Variants in AOPEP observed in about 807,000 individuals in gnomAD.
The protein encoded by AOPEP is aminopeptidase O.
AOPEP carries 77 observed loss-of-function variants against 98.1 expected under a neutral mutation model. That is an observed-to-expected ratio of 0.78 (90% CI 0.65 to 0.95). The LOEUF (loss-of-function observed/expected upper bound fraction) is 0.95. Among genes scored for constraint, AOPEP ranks in the 40% least tolerant of loss-of-function variants. The pLI is 0.00. For missense variants in AOPEP, 1,024 were observed against 1,024.7 expected, an observed-to-expected ratio of 1.00 and a Z score of 0.01; for synonymous variants, 346 against 365.3, an observed-to-expected ratio of 0.95 and a Z score of 0.60.
rs530441149 is a variant in AOPEP, at chr9:94,956,388, A to ACGT, written c.1872+374_1872+376dup. 2.4e-4 allele frequency among the ~76,000 whole-genome samples: 37 copies of ACGT among 152,314 alleles called. No individual in the cohort carries two copies. The South Asian group carries it at 7.7e-3, about 32-fold the overall frequency. ...GCTAAACAGATCTGCATCCAGGCTC[A>ACGT]CGTGTCCCACCCCTTTGCCCTTTCC... On this transcript the variant is annotated intron_variant, in intron 9 of 16. Transcript: ENST00000375315.
At chr9:94,950,086 G>T (rs2057991202) in intron 7 of AOPEP, among the ~76,000 whole-genome samples, 1 of 152,156 alleles carries the variant, frequency 6.6e-6, no homozygotes, top group African/African-American at 2.4e-5. Flanking sequence ...TTTCATTTTG[G>T]AATAGGTTTA....
intron 7 of AOPEP, chr9:94,935,060 C>T (rs534541720): frequency 6.6e-6 from 1 of 152,382 alleles, no homozygotes; most frequent in South Asian, 2.1e-4. Flanking sequence ...GAGGTGGGGC[C>T]TGGCGGGAGG....
chr9:94,833,839 A>G (rs1204401564), intron 5 of AOPEP, among the ~76,000 whole-genome samples: 4 of 152,138 alleles, frequency 2.6e-5, no homozygotes, highest in African/African-American at 9.7e-5. Context: ...AATCGTTGAG[A>G]AGGGGAGTTT....
At chr9:95,134,289 C>A in the AOPEP span, among the ~76,000 whole-genome samples, 1 of 152,206 alleles carries the variant, frequency 6.6e-6, no homozygotes, top group Non-Finnish European at 1.5e-5. Context: ...GAAGTCCCAA[C>A]TGAACTAAAC....
chr9:95,073,576 G>C (rs1269059078), intron 14 of AOPEP, among the ~76,000 whole-genome samples: 4 of 152,156 alleles, frequency 2.6e-5, no homozygotes, highest in Non-Finnish European at 4.4e-5. Context: ...ATCCCAGCAG[G>C]CCGGGCGCGG....
intron 5 of AOPEP, among the ~76,000 whole-genome samples, chr9:94,877,950 G>A (rs555551417): frequency 6.6e-6 from 1 of 152,264 alleles, no homozygotes; most frequent in East Asian, 1.9e-4. Context: ...AGAATATCAA[G>A]GATAGGTTTC....
intron 7 of AOPEP, among the ~76,000 whole-genome samples, chr9:94,943,974 C>T (rs2057340140): frequency 6.8e-6 from 1 of 147,764 alleles, no homozygotes; most frequent in Admixed American, 6.8e-5. Flanking sequence ...GACATTTCTC[C>T]AAAGAAAATA....
intron 5 of AOPEP, among the ~76,000 whole-genome samples, chr9:94,854,455 A>G (rs528545889): frequency 4.6e-5 from 7 of 152,300 alleles, no homozygotes; most frequent in African/African-American, 1.2e-4. Context: ...AAGATTTTTA[A>G]TGCTAAGCAC....
At chr9:94,791,532 G>T (rs774111015) in intron 3 of AOPEP, among the ~76,000 whole-genome samples, 2 of 152,044 alleles carry the variant, frequency 1.3e-5, no homozygotes, top group African/African-American at 4.8e-5. Flanking sequence ...AGCTGTGTGT[G>T]GTGGCACATA....
At chr9:95,087,482 C>CAAAAAAAA (rs746666179), downstream of AOPEP, among the ~76,000 whole-genome samples, 2 of 37,436 alleles carry the variant, frequency 5.3e-5, no homozygotes, top group African/African-American at 2.2e-4. Flanking sequence ...GACTCCATCT[C>CAAAAAAAA]AAAAAAAAAA....
At chr9:95,111,153 G>A in the AOPEP span, 623,099 of 1,534,788 alleles carry the variant, frequency 0.41, 129,538 homozygotes, top group East Asian at 0.57. Context: ...ACGCCTTGGA[G>A]GACGCGACCC....
chr9:94,787,658 A>G (rs1160517913), intron 3 of AOPEP, among the ~76,000 whole-genome samples: 1 of 152,218 alleles, frequency 6.6e-6, no homozygotes, highest in Non-Finnish European at 1.5e-5. Context: ...TCATTTTAAT[A>G]GTACCTTGGT....
chr9:94,854,212 G>A (rs1336583917), intron 5 of AOPEP, among the ~76,000 whole-genome samples: 1 of 152,156 alleles, frequency 6.6e-6, no homozygotes, highest in Non-Finnish European at 1.5e-5. Context: ...GCAGGTGGTG[G>A]TCTGTACTGT....
At chr9:94,729,934 C>T (rs1028346088) in intron 1 of AOPEP, among the ~76,000 whole-genome samples, 2 of 152,136 alleles carry the variant, frequency 1.3e-5, no homozygotes, top group Admixed American at 1.3e-4. Flanking sequence ...GACTGGGAGG[C>T]TGTGCTTGGA....
chr9:94,950,444 G>T (rs1016592141), intron 7 of AOPEP, among the ~76,000 whole-genome samples: 2 of 152,148 alleles, frequency 1.3e-5, no homozygotes, highest in African/African-American at 4.8e-5. Context: ...AGATCACATG[G>T]CAGTGGAGAG....
chr9:94,942,904 C>CAAAAA (rs35186299), intron 7 of AOPEP, among the ~76,000 whole-genome samples: 13 of 82,786 alleles, frequency 1.6e-4, no homozygotes, highest in East Asian at 7.4e-4. Flanking sequence ...GAGTCTGTCT[C>CAAAAA]AAAAAAAAAA....
chr9:94,756,095 C>CA (rs1422019674), intron 1 of AOPEP, among the ~76,000 whole-genome samples: 3 of 151,300 alleles, frequency 2.0e-5, no homozygotes, highest in South Asian at 2.1e-4. Context: ...CTGTCTCTAC[C>CA]AAAAATACAA....
intron 13 of AOPEP, chr9:95,049,036 T>G (rs568641437): frequency 6.6e-6 from 1 of 152,260 alleles, no homozygotes; most frequent in Non-Finnish European, 1.5e-5. Context: ...AGGGCTGGGC[T>G]CCACAGAGAG....
chr9:94,875,358 A>AG (rs2046823400), intron 5 of AOPEP, among the ~76,000 whole-genome samples: 1 of 148,142 alleles, frequency 6.8e-6, no homozygotes, highest in African/African-American at 2.6e-5. Context: ...AAAAAAAAAA[A>AG]AAAAAAAAAA....
Sources: allele counts gnomAD v4.1 joint callset (sites outside exome capture counted in the v4.1 genomes callset), GRCh38; gene constraint gnomAD v4.1.1; transcripts MANE v1.5; gene names NCBI Gene and HGNC (gene_info 2026-07-23, HGNC 2026-07-21).